Variants in FBXO34 observed in about 807,000 individuals in gnomAD.
FBXO34 encodes F-box protein 34.
Under a neutral mutation model 24.5 loss-of-function variants are expected in FBXO34, and 12 were observed. That is an observed-to-expected ratio of 0.49 (90% confidence interval 0.31 to 0.79). The LOEUF is 0.79. FBXO34 is among the 30% of genes least tolerant of loss of function. FBXO34 has a pLI of 0.04. For missense variants in FBXO34, 823 were observed against 857.7 expected (o/e 0.96, Z 0.51); for synonymous variants, 320 against 311.9 (o/e 1.03, Z -0.27).
chr14:55,311,606 G>A (rs1350465356), intron 1 of FBXO34, among the ~76,000 whole-genome samples: 7 of 152,172 alleles, frequency 4.6e-5, no homozygotes, highest in Non-Finnish European at 8.8e-5. Context: ...ACAGTGGATC[G>A]GATACAGGCA....
chr14:55,360,814 G>A (rs919812571), intron 3 of FBXO34, among the ~76,000 whole-genome samples: 6 of 151,708 alleles, frequency 4.0e-5, no homozygotes, highest in South Asian at 4.2e-4. Context: ...CTTGGCCAAC[G>A]TGGTGAAACT....
chr14:55,319,814 T>TTGGG (rs1883066450), intron 1 of FBXO34, among the ~76,000 whole-genome samples: 1 of 152,190 alleles, frequency 6.6e-6, no homozygotes, highest in Non-Finnish European at 1.5e-5. Flanking sequence ...TAGCTGGGAC[T>TTGGG]ATGGGTGCCC....
At chr14:55,411,482 TCTCTCGCTC>T in the FBXO34 span, 3 of 991,380 alleles carry the variant, frequency 3.0e-6, no homozygotes, top group Non-Finnish European at 4.4e-6. Context: ...ACACTCCCTC[TCTCTCGCTC>T]CTCTCGCTGG....
chr14:55,380,875 A>ATATATATTT, the FBXO34 span, among the ~76,000 whole-genome samples: 77 of 112,692 alleles, frequency 6.8e-4, no homozygotes, highest in African/African-American at 2.8e-3. Context: ...ATATATATAT[A>ATATATATTT]TTTTTTTTTT....
chr14:55,396,200 C>T, the FBXO34 span, among the ~76,000 whole-genome samples: 3 of 152,148 alleles, frequency 2.0e-5, no homozygotes, highest in Non-Finnish European at 2.9e-5. Flanking sequence ...AGCCTTTCTA[C>T]AAATGTCCAC....
At chr14:55,298,638 C>G (rs1045376015) in intron 1 of FBXO34, 5 of 1,411,246 alleles carry the variant, frequency 3.5e-6, no homozygotes, top group Non-Finnish European at 4.9e-6. Flanking sequence ...GCTGGCGCGG[C>G]GAGCGCTGTT....
the FBXO34 span, chr14:55,385,979 A>G: frequency 1.2e-6 from 2 of 1,614,096 alleles, no homozygotes; most frequent in Non-Finnish European, 8.5e-7. Flanking sequence ...CTTTTTTTCT[A>G]CCAGGTCACC....
intron 1 of FBXO34, among the ~76,000 whole-genome samples, chr14:55,333,494 C>T (rs772724186): frequency 9.2e-5 from 14 of 152,000 alleles, no homozygotes; most frequent in Non-Finnish European, 1.3e-4. Flanking sequence ...AAGTGAGTTT[C>T]CTATTGAAGT....
At chr14:55,319,709 C>T (rs956904750) in intron 1 of FBXO34, among the ~76,000 whole-genome samples, 2 of 152,122 alleles carry the variant, frequency 1.3e-5, no homozygotes, top group African/African-American at 4.8e-5. Flanking sequence ...TGGAGTCTGG[C>T]TCTGTCGCCA....
chr14:55,387,010 G>A, the FBXO34 span, among the ~76,000 whole-genome samples: 13 of 152,090 alleles, frequency 8.5e-5, no homozygotes, highest in African/African-American at 3.1e-4. Flanking sequence ...TCCATTTCCA[G>A]TCCAAGTCTG....
intron 1 of FBXO34, among the ~76,000 whole-genome samples, chr14:55,306,313 T>C (rs1882543155): frequency 6.6e-6 from 1 of 152,206 alleles, no homozygotes; most frequent in African/African-American, 2.4e-5. Flanking sequence ...CATTAGCCTT[T>C]ATGTTGTTAC....
At chr14:55,392,610 C>T in the FBXO34 span, among the ~76,000 whole-genome samples, 10 of 141,934 alleles carry the variant, frequency 7.0e-5, no homozygotes, top group Admixed American at 3.7e-4. Flanking sequence ...GATTGTGCCA[C>T]GGCACTCCAG....
chr14:55,351,129 G>A lies in FBXO34; in HGVS notation c.739G>A (p.Ala247Thr). ...TTCTGGCCAATCCAGAGGTGTGCCT[G>A]CAGTGTCTGAGTCCTATTCTGCCCC... ...RFSGQSRGVP[A>T]VSESYSAPGA... Residue 247 changes from alanine to threonine, a missense_variant, in exon 2 of 2, where the codon GCA becomes ACA. By Grantham distance (58) the Ala-to-Thr change is moderately conservative (BLOSUM62 0). Transcript: ENST00000313833. 3.1e-6 allele frequency: 5 copies of A among 1,614,194 alleles called. No homozygotes were observed. Among genetic ancestry groups the A allele is most frequent in the Non-Finnish European group, 4.2e-6 (5 of 1,180,038 alleles).
At chr14:55,364,847 C>T (rs1884645556), downstream of FBXO34, among the ~76,000 whole-genome samples, 2 of 151,514 alleles carry the variant, frequency 1.3e-5, no homozygotes, top group Admixed American at 1.3e-4. Flanking sequence ...TGTGATCCTC[C>T]CAGCTCAACC....
intron 1 of FBXO34, among the ~76,000 whole-genome samples, chr14:55,348,625 TC>T (rs1884238552): frequency 6.6e-6 from 1 of 152,028 alleles, no homozygotes; most frequent in African/African-American, 2.4e-5. Flanking sequence ...CACCTATGCC[TC>T]CCAAAGCACT....
chr14:55,402,928 T>A, the FBXO34 span, among the ~76,000 whole-genome samples: 307 of 7,736 alleles, frequency 0.04, 3 homozygotes, highest in Middle Eastern at 0.1. Context: ...AAAAAAAAAA[T>A]ATATATATAT....
chr14:55,315,210 A>G (rs867408660), intron 1 of FBXO34, among the ~76,000 whole-genome samples: 4 of 152,204 alleles, frequency 2.6e-5, no homozygotes, highest in Admixed American at 6.5e-5. Context: ...TTGGTTTTCC[A>G]TGAAATTTAT....
At chr14:55,423,048 T>C in the FBXO34 span, among the ~76,000 whole-genome samples, 1 of 152,032 alleles carries the variant, frequency 6.6e-6, no homozygotes, top group Non-Finnish European at 1.5e-5. Context: ...TATAGTAAAC[T>C]CAAATCCCGA....
rs779060864 is a variant in FBXO34 at position 55,351,584 on chromosome 14, A to G, written c.1194A>G (p.Lys398=). Residue 398 remains lysine, a synonymous_variant, in exon 2 of 2, where the codon AAA becomes AAG. Transcript: ENST00000313833. ...AGCCGGGTTCGCAAACTGCCGTGAAAAACAGCAACAGATATGATGTGGAAA... is the reference window on the plus strand; with the variant it reads ...AGCCGGGTTCGCAAACTGCCGTGAAGAACAGCAACAGATATGATGTGGAAA... ...ELEPGSQTAV[K]NSNRYDVEMT... The G allele has an allele frequency of 1.9e-6, 3 of 1,614,186 alleles. No individual in the cohort carries two copies. The highest frequency in any genetic ancestry group is 2.5e-6 in the Non-Finnish European group (3 of 1,180,026).
Sources: allele counts gnomAD v4.1 joint callset (sites outside exome capture counted in the v4.1 genomes callset), GRCh38; gene constraint gnomAD v4.1.1; transcripts MANE v1.5; gene names NCBI Gene and HGNC (gene_info 2026-07-23, HGNC 2026-07-21).